RASAL3: variants seen among roughly 807,000 people sequenced by gnomAD.
RASAL3 encodes the protein RAS protein activator like-3.
In RASAL3, 74 loss-of-function variants were observed where a neutral mutation model predicts 105.5. The observed-to-expected ratio is 0.70, with a 90% CI of 0.58 to 0.85. The LOEUF is 0.85. Among genes scored for constraint, RASAL3 ranks in the 40% least tolerant of loss-of-function variants. The pLI is 0.00. For synonymous variants in RASAL3, 579 were observed against 591.6 expected (o/e 0.98, Z 0.31); for missense variants, 1,352 against 1,392.0 (o/e 0.97, Z 0.46).
Position 15,452,815 on chromosome 19 carries a change from A to T in RASAL3, c.2671T>A (p.Leu891Met), listed in dbSNP as rs774671057. 6.5e-7 allele frequency: 1 copy of T among 1,548,908 alleles called. No individual in the cohort carries two copies. Among genetic ancestry groups the T allele is most frequent in the African/African-American group, 1.4e-5 (1 of 73,172 alleles). ...GCCACCTCGCACTGCAGCTCTGCCA[A>T]CTGTGGTGGGAGAGCAGCTGTAATC... Reference protein sequence around the residue: ...ALGTHRPVNKLAELQCEVAAL... With the variant: ...ALGTHRPVNKMAELQCEVAAL... Residue 891 changes from leucine to methionine, a missense_variant and splice_region_variant, in exon 16 of 18, where the codon TTG (leucine) becomes ATG (methionine). This residue lies in a region of RASAL3 where 920 missense variants were observed against 919.6 expected (regional missense o/e 1.00). Transcript: ENST00000343625.
chr19:15,460,423 CATTT>C (rs1243975993), intron 5 of RASAL3, among the ~76,000 whole-genome samples, 165 bp from the exon 6 acceptor site: 2 of 152,236 alleles, frequency 1.3e-5, no homozygotes, highest in Non-Finnish European at 2.9e-5. Context: ...ATTCTTTGTT[CATTT>C]GTTTTTTTAA....
chr19:15,456,727 C>T lies in RASAL3; in HGVS notation c.1432-81G>A. On this transcript the variant is annotated intron_variant, in intron 9 of 17. Coordinates refer to ENST00000343625, the MANE Select transcript of RASAL3 (RefSeq NM_022904.3). The surrounding 1 kb of genome is among the most constrained non-coding windows in gnomAD (Gnocchi z 4.4). ...CGGATCCTTGGCTGGTCCCTCACAC[C>T]AGAGGCACAGGCCCCGCCCCTTGTA... The T allele has an allele frequency of 5.3e-6, 8 of 1,500,702 alleles. No individual in the cohort carries two copies. Among genetic ancestry groups the T allele is most frequent in the Non-Finnish European group, 4.5e-6 (5 of 1,111,578 alleles). 93.0% of individuals were successfully genotyped at this position (1,500,702 alleles called of 1,614,324 possible). A position where few individuals can be genotyped will look rare whatever the true frequency, so the allele number is the denominator to read the frequency against.
At chr19:15,460,104 A>G (rs1455143914) in intron 6 of RASAL3, 99 bp downstream of exon 6, 5 of 1,023,446 alleles carry the variant, frequency 4.9e-6, no homozygotes, top group South Asian at 1.5e-5. Context: ...CACAGAGGCC[A>G]CAGGGGGTGT....
In RASAL3 at chr19:15,464,180, T is replaced by TGGGTGCTGACC; in HGVS notation, c.168_178dup (p.Gln60ArgfsTer153). The TGGGTGCTGACC allele has an allele frequency of 6.2e-7, 1 of 1,612,738 alleles. No individual in the cohort carries two copies. Among genetic ancestry groups the TGGGTGCTGACC allele is most frequent in the Non-Finnish European group, 8.5e-7 (1 of 1,179,656 alleles). On this transcript the variant is annotated frameshift_variant, in exon 2 of 18. Coordinates refer to ENST00000343625, the MANE Select transcript of RASAL3 (RefSeq NM_022904.3). LOFTEE classifies it high-confidence loss of function. ...ACGGAATATCGAGCGAGGGGCTGGC[T>TGGGTGCTGACC]GGGTGCTGACCATGGGCTCCTGGTG...
Position 15,461,294 on chromosome 19 carries a change from A to C in RASAL3, c.468T>G (p.Gly156=), listed in dbSNP as rs1006506545. The part of the protein sequence containing the change: ...KLVLLGGEEE[G]PRRPRVGSAS... ...CACTTCCCACCCGGGGCCTTCGAGG[A>C]CCCTGTTCTCCCGCAGGAGTGGGTA... Residue 156 remains glycine (G), a splice_region_variant and synonymous_variant, in exon 4 of 18, where the codon GGT becomes GGG. Transcript: ENST00000343625. 34 of 1,612,824 alleles carry C rather than the reference A, an allele frequency of 2.1e-5. No homozygotes were observed. Among genetic ancestry groups the C allele is most frequent in the Non-Finnish European group, 2.8e-5 (33 of 1,179,556 alleles).
intron 2 of RASAL3, among the ~76,000 whole-genome samples, chr19:15,462,264 A>C (rs977219235): frequency 6.6e-6 from 1 of 152,082 alleles, no homozygotes; most frequent in Admixed American, 6.6e-5. Context: ...AGGCGGGTGG[A>C]TCATCTGAGG....
In RASAL3 at chr19:15,461,198, T is replaced by C. The variant is rs1479692026; in HGVS notation, c.544+20A>G. On this transcript the variant is annotated intron_variant, in intron 4 of 17. Coordinates refer to ENST00000343625, the MANE Select transcript of RASAL3 (RefSeq NM_022904.3). ...TAGAGCCTCCCAAATGCCCCAGGCC[T>C]TTCCACCCCTCAAGCTTACCTGGAT... The C allele has an allele frequency of 1.2e-6, 2 of 1,613,784 alleles. No individual in the cohort carries two copies. The highest frequency in any genetic ancestry group is 1.7e-6 in the Non-Finnish European group (2 of 1,179,768).
At chr19:15,458,072 A>C (rs1970384689) in intron 8 of RASAL3, 5 of 631,288 alleles carry the variant, frequency 7.9e-6, no homozygotes, top group South Asian at 5.9e-5. Context: ...GTAGTACTGG[A>C]GTAAAGACTT....
Position 15,453,738 on chromosome 19 carries a change from A to G in RASAL3, c.2280-241T>C, listed in dbSNP as rs1239893019. ...AGCCTCCCAAATATCTAGGACTACC[A>G]GCACATGCCACTATACCCAGGTAAT... On this transcript the variant is annotated intron_variant, in intron 14 of 17. Transcript: ENST00000343625. The surrounding 1 kb of genome is among the most constrained non-coding windows in gnomAD (Gnocchi z 4.2). Among the ~76,000 whole-genome samples the G allele has an allele frequency of 6.6e-6, 1 of 151,284 alleles. No homozygotes were observed. The highest frequency in any genetic ancestry group is 2.4e-5 in the African/African-American group (1 of 41,160).
chr19:15,463,027 C>G (rs1970558921), intron 2 of RASAL3, among the ~76,000 whole-genome samples: 1 of 151,950 alleles, frequency 6.6e-6, no homozygotes, highest in African/African-American at 2.4e-5. Flanking sequence ...ATATCCATTA[C>G]TCTTCTAGAT....
At chr19:15,454,977 C>T in intron 11 of RASAL3, 84 bp from the exon 12 acceptor site, 2 of 1,031,628 alleles carry the variant, frequency 1.9e-6, no homozygotes, top group Non-Finnish European at 1.4e-6. Flanking sequence ...GTCCCAGAAG[C>T]ACTGCATGAT....
Position 15,456,299 on chromosome 19 carries a change from T to C in RASAL3, c.1577-51A>G. On this transcript the variant is annotated intron_variant, in intron 10 of 17. Coordinates refer to ENST00000343625, the MANE Select transcript of RASAL3 (RefSeq NM_022904.3). This position sits in a 1 kb window ranked among gnomAD's most constrained non-coding sequence, Gnocchi z 4.4. Reference sequence around the variant, plus strand: ...GGCTGGGGCCATGACCACCAAAACCTGCCACACCCATCCTCCAACCTTGTC... The same window carrying C: ...GGCTGGGGCCATGACCACCAAAACCCGCCACACCCATCCTCCAACCTTGTC... The C allele has an allele frequency of 6.3e-7, 1 of 1,596,340 alleles. No homozygotes were observed. The highest frequency in any genetic ancestry group is 2.2e-5 in the East Asian group (1 of 44,534).
At position 15,457,550 on chromosome 19, in the gene RASAL3, G is replaced by A. The variant is rs1283821717; in HGVS notation, c.1173C>T (p.Asp391=). The A allele has an allele frequency of 8.7e-7, 1 of 1,155,048 alleles. No homozygotes were observed. Among genetic ancestry groups the A allele is most frequent in the South Asian group, 2.6e-5 (1 of 38,036 alleles). 71.5% of individuals were successfully genotyped at this position (1,155,048 alleles called of 1,614,324 possible). A position where few individuals can be genotyped will look rare whatever the true frequency, so the allele number is the denominator to read the frequency against. The change falls in exon 9 of 18, where the codon GAC becomes GAT. Residue 391 remains aspartate, a synonymous_variant. Coordinates refer to ENST00000343625, the MANE Select transcript of RASAL3 (RefSeq NM_022904.3). This position sits in a 1 kb window ranked among gnomAD's most constrained non-coding sequence, Gnocchi z 8.6. ...GRVALALEEL[D]APRAPAAGLE... The stretch of plus-strand genomic sequence containing the variant: ...GACCGGCGGCAGGCGCGCGTGGGGC[G>A]TCCAGCTCCTCCAGCGCCAGGGCCA...
chr19:15,457,473 G>A lies in RASAL3; in HGVS notation c.1250C>T (p.Ala417Val). 1 of 1,305,462 alleles carries A rather than the reference G, an allele frequency of 7.7e-7. No individual in the cohort carries two copies. The highest frequency in any genetic ancestry group is 9.8e-7 in the Non-Finnish European group (1 of 1,023,544). The allele number at this position is 1,305,462 out of a possible 1,614,324, so 80.9% of individuals were successfully genotyped here. A position where few individuals can be genotyped will look rare whatever the true frequency, so the allele number is the denominator to read the frequency against. ...LGAPAGAALRARIRARRLRVL... is the reference protein window; with the variant it reads ...LGAPAGAALRVRIRARRLRVL... Reference sequence around the variant, plus strand: ...GCGCAGGCGACGCGCCCGAATCCGCGCCCGCAGCGCTGCGCCCGCCGGCGC... The same window carrying A: ...GCGCAGGCGACGCGCCCGAATCCGCACCCGCAGCGCTGCGCCCGCCGGCGC... Residue 417 changes from alanine to valine, a missense_variant, in exon 9 of 18, where the codon GCG becomes GTG. Ala to Val is a moderately conservative substitution (Grantham distance 64, BLOSUM62 0). This residue lies in a region of RASAL3 where 920 missense variants were observed against 919.6 expected (regional missense o/e 1.00). Transcript: ENST00000343625. The surrounding 1 kb of genome is among the most constrained non-coding windows in gnomAD (Gnocchi z 8.6).
intron 2 of RASAL3, among the ~76,000 whole-genome samples, chr19:15,462,512 ATGGG>A (rs1352066061): frequency 6.6e-6 from 1 of 151,678 alleles, no homozygotes; most frequent in African/African-American, 2.4e-5. Flanking sequence ...CAAAAACAAA[ATGGG>A]AATATAAGCA....
In RASAL3 at chr19:15,461,622, A is replaced by T; in HGVS notation, c.329-15T>A. Reference sequence around the variant, plus strand: ...CGGCTCCAGCTCTGGGAAGAAGAGGAGGCACTGGGGGACTTAAGAGACGTT... The same window carrying T: ...CGGCTCCAGCTCTGGGAAGAAGAGGTGGCACTGGGGGACTTAAGAGACGTT... On this transcript the variant is annotated splice_polypyrimidine_tract_variant and intron_variant, in intron 2 of 17. Transcript: ENST00000343625. The T allele has an allele frequency of 6.6e-7, 1 of 1,514,682 alleles. No homozygotes were observed. Among genetic ancestry groups the T allele is most frequent in the Non-Finnish European group, 8.8e-7 (1 of 1,135,680 alleles). 93.8% of individuals were successfully genotyped at this position (1,514,682 alleles called of 1,614,324 possible).
At chr19:15,452,596 G>C in intron 16 of RASAL3, 62 bp downstream of exon 16, 1 of 1,297,044 alleles carries the variant, frequency 7.7e-7, no homozygotes, top group Middle Eastern at 2.8e-4. Context: ...GGGAGGGCCT[G>C]GTCAGATCTA....
At chr19:15,460,537 C>T (rs761769810) in intron 5 of RASAL3, among the ~76,000 whole-genome samples, 42 of 152,076 alleles carry the variant, frequency 2.8e-4, no homozygotes, top group Non-Finnish European at 5.6e-4. Context: ...CTTGCCTCAG[C>T]TGGGACTACA....
chr19:15,461,328 G>C (rs772276318), intron 3 of RASAL3, 32 bp from the exon 4 acceptor site: 1 of 1,603,162 alleles, frequency 6.2e-7, no homozygotes. Context: ...TAGTCAGAGA[G>C]GGGAGGCAGG....
Sources: allele counts gnomAD v4.1 joint callset (sites outside exome capture counted in the v4.1 genomes callset), GRCh38; gene constraint gnomAD v4.1.1; regional missense constraint gnomAD v4.1.1; non-coding constraint Gnocchi (gnomAD v3.1); transcripts MANE v1.5; gene names NCBI Gene and HGNC (gene_info 2026-07-23, HGNC 2026-07-21).